The following ASB3 variants were observed in gnomAD, a reference collection of about 807,000 sequenced individuals.
ASB3 encodes ankyrin repeat and SOCS box protein 3.
ASB3 carries 41 observed loss-of-function variants against 54.5 expected under a neutral mutation model. The observed-to-expected ratio is 0.75, with a 90% CI of 0.59 to 0.98. The LOEUF is 0.98. Ranked by LOEUF, ASB3 falls within the 50% of genes least tolerant of loss-of-function variation. ASB3 has a pLI of 0.00. For synonymous variants in ASB3, 266 were observed against 221.2 expected, an observed-to-expected ratio of 1.20 and a Z score of -1.80; for missense variants, 733 against 620.0, an observed-to-expected ratio of 1.18 and a Z score of -1.94.
chr2:53,773,371 C>T (rs1432239411), intron 1 of ASB3, among the ~76,000 whole-genome samples: 3 of 150,756 alleles, frequency 2.0e-5, no homozygotes, highest in African/African-American at 7.5e-5. Context: ...GTGCTTATTT[C>T]CTTTATTGTT....
chr2:53,746,079 C>T (rs547043433), intron 3 of ASB3, among the ~76,000 whole-genome samples: 9 of 152,124 alleles, frequency 5.9e-5, no homozygotes, highest in East Asian at 1.9e-4. Flanking sequence ...GGAGGAGGAT[C>T]GCTTGAAGAC....
intron 3 of ASB3, among the ~76,000 whole-genome samples, chr2:53,747,414 C>T (rs550964055): frequency 3.7e-4 from 56 of 152,154 alleles, no homozygotes; most frequent in African/African-American, 1.1e-3. Flanking sequence ...GGCGTGGTGG[C>T]GGGGGCTTGT....
At chr2:53,714,020 C>T (rs186946394) in intron 7 of ASB3, among the ~76,000 whole-genome samples, 26 of 152,166 alleles carry the variant, frequency 1.7e-4, no homozygotes, top group East Asian at 1.3e-3. Flanking sequence ...AAATTTGAAA[C>T]GGTAAATGAC....
intron 1 of ASB3, chr2:53,771,958 T>C: frequency 5.0e-6 from 7 of 1,396,736 alleles, no homozygotes; most frequent in Non-Finnish European, 6.9e-6. Context: ...GTATAAATAT[T>C]CTTTTTTGTA....
At chr2:53,722,053 G>T (rs1384753233) in intron 5 of ASB3, among the ~76,000 whole-genome samples, 1 of 151,858 alleles carries the variant, frequency 6.6e-6, no homozygotes, top group Non-Finnish European at 1.5e-5. Context: ...AGACTATTAC[G>T]AACACCTCAA....
chr2:53,676,925 T>C (rs557248252), intron 9 of ASB3, among the ~76,000 whole-genome samples: 6 of 152,108 alleles, frequency 3.9e-5, no homozygotes, highest in African/African-American at 9.6e-5. Flanking sequence ...CCTGCCACCA[T>C]GCCCGATTAA....
chr2:53,700,161 C>A, intron 8 of ASB3, 110 bp downstream of exon 8: 2 of 1,489,652 alleles, frequency 1.3e-6, no homozygotes, highest in Non-Finnish European at 1.8e-6. Flanking sequence ...TCAGCCATCA[C>A]AGTCAAAACA....
chr2:53,701,417 C>G (rs770927066), intron 7 of ASB3, among the ~76,000 whole-genome samples: 13 of 152,158 alleles, frequency 8.5e-5, no homozygotes, highest in Non-Finnish European at 1.3e-4. Context: ...ATTGGCAGAA[C>G]TGGGATAATG....
chr2:53,734,976 G>T (rs1431072758), intron 3 of ASB3, among the ~76,000 whole-genome samples: 1 of 143,702 alleles, frequency 7.0e-6, no homozygotes, highest in East Asian at 2.1e-4. Flanking sequence ...CTGGAGTGCA[G>T]TGGTGCGATC....
At chr2:53,776,221 A>C (rs991450122) in intron 1 of ASB3, among the ~76,000 whole-genome samples, 1 of 152,222 alleles carries the variant, frequency 6.6e-6, no homozygotes, top group East Asian at 1.9e-4. Context: ...ACTCAGCTAC[A>C]TATCTACTTT....
At chr2:53,700,931 T>A (rs1181353447) in intron 7 of ASB3, among the ~76,000 whole-genome samples, 1 of 152,204 alleles carries the variant, frequency 6.6e-6, no homozygotes, top group Admixed American at 6.5e-5. Flanking sequence ...CTCTAAGATA[T>A]CATTTTCCTT....
chr2:53,780,670 C>A (rs1217783098), intron 1 of ASB3, among the ~76,000 whole-genome samples: 1 of 152,080 alleles, frequency 6.6e-6, no homozygotes, highest in African/African-American at 2.4e-5. Context: ...CCTAGCCACT[C>A]TGGAGGATAA....
chr2:53,681,665 C>G (rs947250878), intron 9 of ASB3, among the ~76,000 whole-genome samples: 23 of 152,012 alleles, frequency 1.5e-4, no homozygotes, highest in Admixed American at 3.9e-4. Flanking sequence ...AATGAGTTCA[C>G]TGTAGGTTTC....
chr2:53,767,777 T>A, intron 1 of ASB3: 2 of 1,400,916 alleles, frequency 1.4e-6, no homozygotes, highest in Non-Finnish European at 9.6e-7. Context: ...CAAGTGGCCA[T>A]CGCGCCTGCG....
chr2:53,744,535 T>C (rs1236879966), intron 3 of ASB3, among the ~76,000 whole-genome samples: 1 of 152,130 alleles, frequency 6.6e-6, no homozygotes, highest in Non-Finnish European at 1.5e-5. Context: ...CTCCATACTT[T>C]CAATCTAAGA....
In ASB3 at chr2:53,750,763, A is replaced by G; in HGVS notation, c.355+20T>C. On this transcript the variant is annotated intron_variant, in intron 3 of 9. Coordinates refer to ENST00000263634, the MANE Select transcript of ASB3 (RefSeq NM_016115.5). ...AATAATGATGAAAAATTGCATCTGC[A>G]CCACAAATAGCATACTTACCTAAAA... 1 of 1,488,228 alleles carries G rather than the reference A, an allele frequency of 6.7e-7. No individual in the cohort carries two copies. The highest frequency in any genetic ancestry group is 2.4e-5 in the East Asian group (1 of 41,246). 92.2% of individuals were successfully genotyped at this position (1,488,228 alleles called of 1,614,324 possible).
At chr2:53,688,781 T>C (rs1289154047) in intron 9 of ASB3, among the ~76,000 whole-genome samples, 2 of 151,810 alleles carry the variant, frequency 1.3e-5, no homozygotes, top group African/African-American at 2.4e-5. Flanking sequence ...CTGGGGCCTG[T>C]TGGGAGGTGG....
chr2:53,728,523 A>C (rs1394417453), intron 5 of ASB3, among the ~76,000 whole-genome samples, 189 bp downstream of exon 5: 1 of 152,214 alleles, frequency 6.6e-6, no homozygotes, highest in Non-Finnish European at 1.5e-5. Context: ...GTAGCTGTGC[A>C]CTGCATTGTT....
intron 1 of ASB3, among the ~76,000 whole-genome samples, chr2:53,784,680 C>G (rs1435417467): frequency 6.6e-6 from 1 of 152,196 alleles, no homozygotes; most frequent in Non-Finnish European, 1.5e-5. Flanking sequence ...GGCATTCTCC[C>G]TGTGTGTCCA....
Sources: gnomAD v4.1 joint callset for allele counts (sites outside exome capture counted in the v4.1 genomes callset) on GRCh38, gnomAD v4.1.1 for gene constraint, MANE v1.5 for transcripts, NCBI Gene and HGNC (gene_info 2026-07-23, HGNC 2026-07-21) for gene names.